CDK11A: variants seen among roughly 807,000 people sequenced by gnomAD.
CDK11A encodes the protein cyclin-dependent kinase 11A.
CDK11A carries 55 observed loss-of-function variants against 83.6 expected under a neutral mutation model. The ratio of observed to expected loss-of-function variants is 0.66; its 90% confidence interval spans 0.53 to 0.82. The LOEUF is 0.82. CDK11A is among the 40% of genes least tolerant of loss of function. The probability of loss-of-function intolerance (pLI) is 0.00; values close to 1 mark genes in which losing one functional copy is unlikely to be tolerated. For missense variants in CDK11A, 564 were observed against 810.1 expected (o/e 0.70, Z 3.69); for synonymous variants, 247 against 302.7 (o/e 0.82, Z 1.91).
At chr1:1,722,872 C>A in intron 1 of CDK11A, 41 bp from the exon 2 acceptor site, 3 of 840,212 alleles carry the variant, frequency 3.6e-6, no homozygotes, top group African/African-American at 2.6e-5. Flanking sequence ...CAGGACACAG[C>A]AAGCTATGGT....
intron 4 of CDK11A, among the ~76,000 whole-genome samples, chr1:1,717,655 T>C (rs76123672): frequency 4.5e-3 from 82 of 18,044 alleles, no homozygotes; most frequent in Middle Eastern, 0.024. Flanking sequence ...GACACACGCA[T>C]GCTTTCAGCT....
rs1261953657 is a variant in CDK11A, at chr1:1,722,102, G to A, written c.112-391C>T. Among the ~76,000 whole-genome samples the A allele has an allele frequency of 1.1e-4, 17 of 150,666 alleles. 1 individual carries two copies. Among genetic ancestry groups the A allele is most frequent in the South Asian group, 2.1e-4 (1 of 4,742 alleles). ...GCCCTGGGCGACAGTGCGAGATTCCGTCTCAAAAACAAAAAAAAAGCTAAC... is the reference window on the plus strand; with the variant it reads ...GCCCTGGGCGACAGTGCGAGATTCCATCTCAAAAACAAAAAAAAAGCTAAC... On this transcript the variant is annotated intron_variant, in intron 2 of 19. Transcript: ENST00000404249.
At chr1:1,721,512 A>C in intron 3 of CDK11A, 84 bp downstream of exon 3, 1 of 1,466,880 alleles carries the variant, frequency 6.8e-7, no homozygotes, top group East Asian at 2.3e-5. Flanking sequence ...ACAATAGCAC[A>C]CAGTTGTCAC....
At chr1:1,719,228 T>C (rs1159689614) in intron 4 of CDK11A, 100 bp downstream of exon 4, 7 of 1,119,314 alleles carry the variant, frequency 6.3e-6, no homozygotes, top group Non-Finnish European at 8.6e-6. Context: ...CAGTTTGCTT[T>C]CTCTGGTTTT....
At position 1,719,080 on chromosome 1, in the gene CDK11A, G is replaced by A. The variant is rs1015677392; in HGVS notation, c.355+248C>T. 34 of 246,304 alleles carry A rather than the reference G, an allele frequency of 1.4e-4. 1 individual carries two copies. Among genetic ancestry groups the A allele is most frequent in the East Asian group, 1.1e-3 (12 of 10,764 alleles). The allele number at this position is 246,304 out of a possible 1,614,324, so 15.3% of individuals were successfully genotyped here. A position where few individuals can be genotyped will look rare whatever the true frequency, so the allele number is the denominator to read the frequency against. Reference sequence around the variant, plus strand: ...AGCTAGTTTGCTCTCTCTGGTTTTCGGTCTGTGACGCACACATGCTTTCAG... The same window carrying A: ...AGCTAGTTTGCTCTCTCTGGTTTTCAGTCTGTGACGCACACATGCTTTCAG... On this transcript the variant is annotated intron_variant, in intron 4 of 19. Coordinates refer to ENST00000404249, the MANE Select transcript of CDK11A (RefSeq NM_024011.4).
At chr1:1,715,983 G>A (rs113808317) in intron 5 of CDK11A, among the ~76,000 whole-genome samples, 4 of 150,894 alleles carry the variant, frequency 2.7e-5, no homozygotes, top group Non-Finnish European at 5.9e-5. Flanking sequence ...CTGGAGTGCA[G>A]TAGCATGGTC....
At chr1:1,716,630 A>G (rs933560259) in intron 4 of CDK11A, among the ~76,000 whole-genome samples, 152 bp from the exon 5 acceptor site, 5 of 150,396 alleles carry the variant, frequency 3.3e-5, no homozygotes, top group African/African-American at 7.3e-5. Context: ...CCTGGCCAAC[A>G]TGGTGAAACC....
intron 11 of CDK11A, among the ~76,000 whole-genome samples, chr1:1,706,780 C>G (rs1644328636): frequency 6.6e-6 from 1 of 150,906 alleles, no homozygotes; most frequent in South Asian, 2.1e-4. Flanking sequence ...GAGGCGCTCA[C>G]AAGGCATAGG....
In CDK11A at chr1:1,721,553, G is replaced by A. The variant is rs763393094; in HGVS notation, c.227+43C>T. 11 of 1,586,414 alleles carry A rather than the reference G, an allele frequency of 6.9e-6. No homozygotes were observed. The South Asian group carries it at 1.2e-4, about 18-fold the overall frequency. ...CCCTAGGAAGGACTGGCCAGGCCAG[G>A]GCTGTGTACAGTTGGGTCTTGCACA... On this transcript the variant is annotated intron_variant, in intron 3 of 19. Transcript: ENST00000404249.
intron 6 of CDK11A, among the ~76,000 whole-genome samples, 159 bp downstream of exon 6, chr1:1,712,105 G>T (rs1257038654): frequency 1.3e-5 from 1 of 76,350 alleles, no homozygotes; most frequent in African/African-American, 3.2e-5. Flanking sequence ...ACTCCAGCCT[G>T]GGGGACAAGA....
In CDK11A at chr1:1,716,490, T is replaced by C. The variant is rs1225324512; in HGVS notation, c.356-12A>G. On this transcript the variant is annotated splice_polypyrimidine_tract_variant and intron_variant, in intron 4 of 19. Coordinates refer to ENST00000404249, the MANE Select transcript of CDK11A (RefSeq NM_024011.4). The stretch of plus-strand genomic sequence containing the variant: ...TCTAGCATGCTTCCCTAATGAGAAA[T>C]AAAGTGTCATGCAAAGAAACCTCAC... The C allele has an allele frequency of 1.2e-6, 2 of 1,605,460 alleles. No homozygotes were observed. The highest frequency in any genetic ancestry group is 1.4e-5 in the African/African-American group (1 of 73,990).
Position 1,703,955 on chromosome 1 carries a change from G to A in CDK11A, c.1795-15C>T, listed in dbSNP as rs761988434. 2.5e-6 allele frequency: 4 copies of A among 1,609,352 alleles called. No homozygotes were observed. The highest frequency in any genetic ancestry group is 1.7e-4 in the Middle Eastern group (1 of 6,022). ...GTGGAGTATTCCTAAGACGCCAGGA[G>A]AGGTGTTCAGGAAGGCCAGTGCCCG... On this transcript the variant is annotated splice_polypyrimidine_tract_variant and intron_variant, in intron 16 of 19. Transcript: ENST00000404249.
At chr1:1,707,801 C>G (rs548651368) in intron 10 of CDK11A, among the ~76,000 whole-genome samples, 7,541 of 122,162 alleles carry the variant, frequency 0.062, 468 homozygotes, top group African/African-American at 0.21. Flanking sequence ...GAGGAGGCGT[C>G]GGGTGTCATG....
chr1:1,706,352 C>G (rs142556515), intron 11 of CDK11A, among the ~76,000 whole-genome samples: 3,287 of 151,356 alleles, frequency 0.022, 199 homozygotes, highest in African/African-American at 0.075. Context: ...GGATTACAGG[C>G]GTGAGCCACT....
At position 1,703,608 on chromosome 1, in the gene CDK11A, C is replaced by G; in HGVS notation, c.1928G>C (p.Ser643Thr). ...ACTGTAGCCGGGCCAGATTTTCTCA[C>G]TGGGGGTCCCCAGCTCCTGAAAGAC... ...NKVFKELGTP[S>T]EKIWPGYSEL... Residue 643 changes from serine (S) to threonine (T), a missense_variant, in exon 18 of 20, where the codon AGT becomes ACT. Ser to Thr is a moderately conservative substitution (Grantham distance 58). Transcript: ENST00000404249. The G allele has an allele frequency of 2.5e-6, 4 of 1,597,866 alleles. No homozygotes were observed. Among genetic ancestry groups the G allele is most frequent in the Non-Finnish European group, 3.4e-6 (4 of 1,173,900 alleles).
At chr1:1,717,975 C>T (rs370615723) in intron 4 of CDK11A, among the ~76,000 whole-genome samples, 13 of 150,234 alleles carry the variant, frequency 8.7e-5, no homozygotes, top group African/African-American at 2.2e-4. Context: ...CTGTGACACA[C>T]GCATGCTTTC....
At chr1:1,717,302 G>A (rs1248795868) in intron 4 of CDK11A, among the ~76,000 whole-genome samples, 1 of 151,080 alleles carries the variant, frequency 6.6e-6, no homozygotes, top group Non-Finnish European at 1.5e-5. Flanking sequence ...TCTCCACTGT[G>A]CAATGAAGCC....
At chr1:1,719,648 C>T (rs1467010407) in intron 3 of CDK11A, among the ~76,000 whole-genome samples, 193 bp from the exon 4 acceptor site, 60 of 146,728 alleles carry the variant, frequency 4.1e-4, no homozygotes, top group Admixed American at 3.3e-3. Flanking sequence ...CGGAGTCTCG[C>T]TCTGTCACCC....
intron 4 of CDK11A, among the ~76,000 whole-genome samples, chr1:1,718,244 T>C (rs373882276): frequency 1.4e-5 from 2 of 143,060 alleles, no homozygotes; most frequent in African/African-American, 2.6e-5. Context: ...GACACACGCA[T>C]GCTTTCAGGT....
Sources: gnomAD v4.1 joint callset for allele counts (sites outside exome capture counted in the v4.1 genomes callset) on GRCh38, gnomAD v4.1.1 for gene constraint, MANE v1.5 for transcripts, NCBI Gene and HGNC (gene_info 2026-07-23, HGNC 2026-07-21) for gene names.